SOX6: variants seen among roughly 807,000 people sequenced by gnomAD.
SOX6 encodes SRY-box transcription factor 6, also known as transcription factor SOX-6.
SOX6 carries 11 observed loss-of-function variants against 97.8 expected under a neutral mutation model. That is an observed-to-expected ratio of 0.11 (90% CI 0.07 to 0.19). The LOEUF (loss-of-function observed/expected upper bound fraction) is 0.19, where lower values mean the gene tolerates loss of function less well. Among genes scored for constraint, SOX6 ranks in the 10% least tolerant of loss-of-function variants. The probability of loss-of-function intolerance (pLI) is 1.00; values close to 1 mark genes in which losing one functional copy is unlikely to be tolerated. For missense variants in SOX6, 810 were observed against 1,039.5 expected (o/e 0.78, Z 3.04); for synonymous variants, 360 against 371.4 (o/e 0.97, Z 0.35).
chr11:16,249,503 C>T (rs1014070386), intron 3 of SOX6, among the ~76,000 whole-genome samples: 13 of 152,252 alleles, frequency 8.5e-5, no homozygotes, highest in African/African-American at 2.9e-4. Flanking sequence ...CTAGGAAGTT[C>T]CAAACTTTTC....
chr11:16,653,624 C>T (rs776229327), intron 3 of SOX6, among the ~76,000 whole-genome samples: 27 of 151,886 alleles, frequency 1.8e-4, no homozygotes, highest in African/African-American at 2.7e-4. Context: ...CTAGGGGAAG[C>T]GGGTAGGAGG....
intron 14 of SOX6, among the ~76,000 whole-genome samples, chr11:15,987,675 C>T (rs1853900824): frequency 6.7e-6 from 1 of 148,656 alleles, no homozygotes; most frequent in Non-Finnish European, 1.5e-5. Flanking sequence ...AACTGTAAGG[C>T]CAGAGAAGCA....
intron 4 of SOX6, among the ~76,000 whole-genome samples, chr11:16,520,859 C>A (rs1238160157): frequency 6.6e-6 from 1 of 152,218 alleles, no homozygotes; most frequent in Non-Finnish European, 1.5e-5. Context: ...TCTACGCCCA[C>A]GGAGTCTCGC....
intron 3 of SOX6, among the ~76,000 whole-genome samples, chr11:16,276,129 C>T (rs1054773347): frequency 2.6e-5 from 4 of 152,146 alleles, no homozygotes; most frequent in Admixed American, 6.5e-5. Flanking sequence ...AGGATCCTGA[C>T]CGAGAAAGTC....
At chr11:16,010,424 T>C (rs1333086074) in intron 13 of SOX6, among the ~76,000 whole-genome samples, 1 of 152,006 alleles carries the variant, frequency 6.6e-6, no homozygotes, top group Non-Finnish European at 1.5e-5. Context: ...CATCCATAAA[T>C]GCTAGGCTTA....
chr11:16,496,520 C>T (rs1860599547), intron 4 of SOX6, among the ~76,000 whole-genome samples: 1 of 152,200 alleles, frequency 6.6e-6, no homozygotes, highest in South Asian at 2.1e-4. Context: ...CAGGGCAAGG[C>T]ATCGCCTCAC....
intron 4 of SOX6, among the ~76,000 whole-genome samples, chr11:16,224,857 T>C (rs1852638166): frequency 6.6e-6 from 1 of 152,050 alleles, no homozygotes; most frequent in African/African-American, 2.4e-5. Flanking sequence ...TAATTTACTA[T>C]ATGATTTAGA....
chr11:16,236,789 A>G (rs1356235350), intron 3 of SOX6, among the ~76,000 whole-genome samples: 2 of 152,022 alleles, frequency 1.3e-5, no homozygotes, highest in African/African-American at 4.8e-5. Flanking sequence ...AGAATGCTAA[A>G]ACTTCATGGG....
chr11:16,311,875 T>C (rs297364), intron 3 of SOX6: 93,010 of 152,018 alleles, frequency 0.61, 28,944 homozygotes, highest in East Asian at 0.72. Flanking sequence ...GTAAATATAT[T>C]TCAGTGAAAA....
chr11:16,069,084 A>C (rs1245305886), intron 9 of SOX6, among the ~76,000 whole-genome samples: 1 of 152,142 alleles, frequency 6.6e-6, no homozygotes, highest in Non-Finnish European at 1.5e-5. Flanking sequence ...CCAGAGATGG[A>C]GGTCATCTTT....
chr11:15,974,365 C>T (rs1374986365), intron 15 of SOX6, among the ~76,000 whole-genome samples: 44 of 108,922 alleles, frequency 4.0e-4, no homozygotes, highest in South Asian at 1.8e-3. Flanking sequence ...TTGTTTTTTT[C>T]TGTTAGCTCT....
chr11:16,371,898 G>A (rs977267629), intron 1 of SOX6, among the ~76,000 whole-genome samples: 15 of 151,896 alleles, frequency 9.9e-5, no homozygotes, highest in Non-Finnish European at 1.9e-4. Context: ...TTCAGATTAG[G>A]GTTGCTCGAC....
chr11:16,286,611 T>C (rs910884837), intron 3 of SOX6, among the ~76,000 whole-genome samples: 1 of 152,134 alleles, frequency 6.6e-6, no homozygotes, highest in Non-Finnish European at 1.5e-5. Context: ...TTATGTGTAG[T>C]GGTGTCTTAT....
At chr11:16,561,409 G>A (rs1786056132) in intron 4 of SOX6, among the ~76,000 whole-genome samples, 1 of 152,040 alleles carries the variant, frequency 6.6e-6, no homozygotes, top group African/African-American at 2.4e-5. Context: ...ATGAATGTAA[G>A]TATTTAGTTT....
intron 4 of SOX6, among the ~76,000 whole-genome samples, chr11:16,539,149 T>G (rs905960636): frequency 1.3e-5 from 2 of 152,178 alleles, no homozygotes; most frequent in Admixed American, 6.5e-5. Context: ...GCAATCAAAT[T>G]AGAACTCAGG....
At chr11:16,059,965 TC>T (rs1847906469) in intron 9 of SOX6, among the ~76,000 whole-genome samples, 1 of 151,952 alleles carries the variant, frequency 6.6e-6, no homozygotes, top group Non-Finnish European at 1.5e-5. Flanking sequence ...GTAGCTGGTA[TC>T]ATAACCAATA....
intron 4 of SOX6, among the ~76,000 whole-genome samples, chr11:16,203,963 A>T (rs1298241150): frequency 1.3e-5 from 2 of 152,074 alleles, no homozygotes; most frequent in Non-Finnish European, 2.9e-5. Context: ...GTGAAAAAAA[A>T]TATCAAAAAA....
chr11:16,388,909 G>A (rs552722712), intron 1 of SOX6, among the ~76,000 whole-genome samples: 9 of 152,088 alleles, frequency 5.9e-5, no homozygotes, highest in Non-Finnish European at 1.2e-4. Flanking sequence ...TATATCTTTT[G>A]CCAAATTTGG....
chr11:16,614,932 TCAA>T (rs1403247871), intron 3 of SOX6, among the ~76,000 whole-genome samples: 1 of 152,180 alleles, frequency 6.6e-6, no homozygotes, highest in Non-Finnish European at 1.5e-5. Context: ...AGTATTTTGG[TCAA>T]CAATAAATAA....
Sources: gnomAD v4.1 joint callset for allele counts (sites outside exome capture counted in the v4.1 genomes callset) on GRCh38, gnomAD v4.1.1 for gene constraint, MANE v1.5 for transcripts, NCBI Gene and HGNC (gene_info 2026-07-23, HGNC 2026-07-21) for gene names.